Variants in MAGI1 observed in about 807,000 individuals in gnomAD.
MAGI1 encodes the protein membrane associated guanylate kinase, WW and PDZ domain containing 1, also known as membrane-associated guanylate kinase, WW and PDZ domain-containing protein 1.
In MAGI1, 58 loss-of-function variants were observed where a neutral mutation model predicts 139.9. The ratio of observed to expected loss-of-function variants is 0.41; its 90% CI spans 0.34 to 0.52. The LOEUF (loss-of-function observed/expected upper bound fraction) is 0.52. Among genes scored for constraint, MAGI1 ranks in the 20% least tolerant of loss-of-function variants. The pLI, the probability that MAGI1 is intolerant of heterozygous loss-of-function variation, is 0.12. For missense variants in MAGI1, 1,874 were observed against 1,901.6 expected (o/e 0.99, Z 0.27); for synonymous variants, 812 against 737.9 (o/e 1.10, Z -1.63).
At chr3:66,015,967 T>A (rs1262960138) in intron 1 of MAGI1, among the ~76,000 whole-genome samples, 1 of 152,206 alleles carries the variant, frequency 6.6e-6, no homozygotes, top group Non-Finnish European at 1.5e-5. Flanking sequence ...AAAGACAGTA[T>A]ACTTAGAATG....
chr3:65,484,381 G>A (rs1951486208), intron 3 of MAGI1, among the ~76,000 whole-genome samples: 1 of 152,162 alleles, frequency 6.6e-6, no homozygotes, highest in African/African-American at 2.4e-5. Context: ...CCTGAGAACA[G>A]GATGGTAGTG....
rs911498263 is a variant in MAGI1, at chr3:65,837,144, C to T, written c.313+200852G>A. On this transcript the variant is annotated intron_variant, in intron 1 of 22. Transcript: ENST00000402939. ...AAATAAAAAAATAAAAAACACAGAA[C>T]TTGCTTCTCCACGAAGTATTATGGT... Among the ~76,000 whole-genome samples the T allele has an allele frequency of 2.6e-5, 4 of 152,080 alleles. No individual in the cohort carries two copies. The East Asian group carries it at 7.7e-4, about 29-fold the overall frequency.
At chr3:65,680,715 C>A (rs901603604) in intron 1 of MAGI1, among the ~76,000 whole-genome samples, 3 of 152,008 alleles carry the variant, frequency 2.0e-5, no homozygotes, top group Admixed American at 2.0e-4. Flanking sequence ...GCCTCAACAC[C>A]CGGCCTGAGC....
intron 1 of MAGI1, among the ~76,000 whole-genome samples, chr3:65,845,920 T>C (rs1462266540): frequency 3.9e-5 from 6 of 152,236 alleles, no homozygotes; most frequent in Non-Finnish European, 8.8e-5. Context: ...CTGCAAAGCC[T>C]ATCAGATTCT....
chr3:65,705,248 C>T (rs528658618), intron 1 of MAGI1, among the ~76,000 whole-genome samples: 59 of 152,238 alleles, frequency 3.9e-4, no homozygotes, highest in African/African-American at 1.4e-3. Context: ...AGTATGTTAG[C>T]TTAACTGAGT....
intron 2 of MAGI1, among the ~76,000 whole-genome samples, chr3:65,592,264 T>A (rs2082003063): frequency 6.6e-6 from 1 of 152,150 alleles, no homozygotes; most frequent in Admixed American, 6.5e-5. Flanking sequence ...AAGAATAAAG[T>A]AGGCATGCAT....
intron 2 of MAGI1, among the ~76,000 whole-genome samples, chr3:65,527,071 T>A (rs1168553431): frequency 1.3e-5 from 2 of 152,250 alleles, no homozygotes; most frequent in Non-Finnish European, 2.9e-5. Flanking sequence ...TCTTCTTCCA[T>A]TGGTGATTGT....
At chr3:65,764,638 A>T (rs1159674783) in intron 1 of MAGI1, among the ~76,000 whole-genome samples, 1 of 152,210 alleles carries the variant, frequency 6.6e-6, no homozygotes, top group Non-Finnish European at 1.5e-5. Flanking sequence ...GGAAAAATTC[A>T]TCAAAAGCAG....
intron 1 of MAGI1, among the ~76,000 whole-genome samples, chr3:66,026,211 G>C (rs2107575133): frequency 6.6e-6 from 1 of 152,152 alleles, no homozygotes; most frequent in South Asian, 2.1e-4. Flanking sequence ...GGCCAAGGTG[G>C]TACCTTCCAC....
chr3:65,817,204 C>T (rs1472964917), intron 1 of MAGI1, among the ~76,000 whole-genome samples: 2 of 152,062 alleles, frequency 1.3e-5, no homozygotes, highest in Non-Finnish European at 2.9e-5. Flanking sequence ...TGTGCATATT[C>T]CCCAAAATTT....
chr3:65,362,353 A>G (rs996503161), intron 21 of MAGI1, among the ~76,000 whole-genome samples: 2 of 151,486 alleles, frequency 1.3e-5, no homozygotes, highest in Admixed American at 1.3e-4. Context: ...AAAGTAATTT[A>G]AAGTAATTAA....
chr3:65,794,315 G>A (rs1207212194), intron 1 of MAGI1, among the ~76,000 whole-genome samples: 1 of 152,158 alleles, frequency 6.6e-6, no homozygotes, highest in Non-Finnish European at 1.5e-5. Context: ...GAATACATAA[G>A]GAACTCTCAA....
chr3:65,489,054 T>A (rs567950163), intron 3 of MAGI1, among the ~76,000 whole-genome samples: 1 of 152,108 alleles, frequency 6.6e-6, no homozygotes, highest in East Asian at 1.9e-4. Flanking sequence ...TGAATCTGAA[T>A]CCCAGCTCTA....
chr3:65,865,390 G>C (rs1434060442), intron 1 of MAGI1, among the ~76,000 whole-genome samples: 2 of 152,064 alleles, frequency 1.3e-5, no homozygotes, highest in African/African-American at 2.4e-5. Context: ...GAGCTGAAGA[G>C]ATCAAGACCT....
At chr3:65,639,077 A>T (rs1183575067) in intron 1 of MAGI1, among the ~76,000 whole-genome samples, 1 of 152,148 alleles carries the variant, frequency 6.6e-6, no homozygotes, top group Non-Finnish European at 1.5e-5. Flanking sequence ...TGCCCTGATG[A>T]CTGACAATGT....
intron 1 of MAGI1, among the ~76,000 whole-genome samples, chr3:65,712,230 G>T (rs1476145938): frequency 6.6e-6 from 1 of 152,082 alleles, no homozygotes; most frequent in African/African-American, 2.4e-5. Context: ...AGGGTTAAGA[G>T]AATTCCAGTT....
In MAGI1 at chr3:65,597,926, G is replaced by T. The variant is rs758499782; in HGVS notation, c.430+24046C>A. On this transcript the variant is annotated intron_variant, in intron 2 of 22. Coordinates refer to ENST00000402939, the MANE Select transcript of MAGI1 (RefSeq NM_001033057.2). ...AGCGGCTGTAAAGAGAGGCGGGGGTGGGGGGGGGGTGGGACCGAACCCCTT... is the reference window on the plus strand; with the variant it reads ...AGCGGCTGTAAAGAGAGGCGGGGGTTGGGGGGGGGTGGGACCGAACCCCTT... The T allele has an allele frequency of 1.1e-4, 7 of 62,926 alleles. No homozygotes were observed. In the South Asian group the frequency reaches 1.7e-3, roughly 15 times the overall value. 3.9% of individuals were successfully genotyped at this position (62,926 alleles called of 1,614,324 possible).
At chr3:65,614,879 A>G (rs1353629819) in intron 2 of MAGI1, among the ~76,000 whole-genome samples, 1 of 152,024 alleles carries the variant, frequency 6.6e-6, no homozygotes, top group Non-Finnish European at 1.5e-5. Context: ...AAAAAGACCC[A>G]GGCATGGTGG....
At chr3:66,008,222 G>C (rs2067133814) in intron 1 of MAGI1, among the ~76,000 whole-genome samples, 1 of 152,106 alleles carries the variant, frequency 6.6e-6, no homozygotes, top group East Asian at 1.9e-4. Context: ...TTACTATTTA[G>C]TATAGTTCAT....
Sources: gnomAD v4.1 joint callset for allele counts (sites outside exome capture counted in the v4.1 genomes callset) on GRCh38, gnomAD v4.1.1 for gene constraint, MANE v1.5 for transcripts, NCBI Gene and HGNC (gene_info 2026-07-23, HGNC 2026-07-21) for gene names.